The following DPYD variants were observed in gnomAD, a reference collection of about 807,000 sequenced individuals.
The protein encoded by DPYD is dihydropyrimidine dehydrogenase [NADP(+)].
In DPYD, 109 loss-of-function variants were observed where a neutral mutation model predicts 116.2. The observed-to-expected ratio is 0.94, with a 90% CI of 0.80 to 1.10. DPYD has a LOEUF of 1.10. Among genes scored for constraint, DPYD ranks in the 50% least tolerant of loss-of-function variants. DPYD has a pLI of 0.00. For synonymous variants in DPYD, 440 were observed against 432.0 expected, an observed-to-expected ratio of 1.02 and a Z score of -0.23; for missense variants, 1,302 against 1,254.5, an observed-to-expected ratio of 1.04 and a Z score of -0.57.
rs35038074 is a variant in DPYD, at chr1:97,344,595, C to CCACA, written c.2058+28962_2058+28965dup. Among the ~76,000 whole-genome samples the CCACA allele has an allele frequency of 4.4e-3, 661 of 148,972 alleles. 2 individuals carry two copies. The highest frequency in any genetic ancestry group is 0.014 in the African/African-American group (589 of 40,808). ...CATTATATATAATCTATATATGTCACCACACACACACACACACACTACATT... is the reference window on the plus strand; with the variant it reads ...CATTATATATAATCTATATATGTCACCACACACACACACACACACACACTACATT... On this transcript the variant is annotated intron_variant, in intron 16 of 22. Coordinates refer to ENST00000370192, the MANE Select transcript of DPYD (RefSeq NM_000110.4).
intron 13 of DPYD, among the ~76,000 whole-genome samples, chr1:97,515,262 ATTTG>A (rs1280264189): frequency 3.3e-5 from 5 of 151,906 alleles, no homozygotes; most frequent in Non-Finnish European, 7.4e-5. Context: ...AACTCAGGGT[ATTTG>A]TTTTTGAGAA....
intron 20 of DPYD, among the ~76,000 whole-genome samples, chr1:97,173,279 C>CACACATATGTACATATATGT (rs548861757): frequency 1.3e-4 from 19 of 140,956 alleles, no homozygotes; most frequent in Middle Eastern, 4.0e-3. Flanking sequence ...CATATATATG[C>CACACATATGTACATATATGT]ACACATATAT....
At chr1:97,591,029 T>C (rs904690564) in intron 10 of DPYD, among the ~76,000 whole-genome samples, 4 of 152,360 alleles carry the variant, frequency 2.6e-5, no homozygotes, top group African/African-American at 7.2e-5. Context: ...TACTCTATTC[T>C]GATGATACTG....
chr1:97,567,594 A>G (rs1033101683), intron 11 of DPYD, among the ~76,000 whole-genome samples: 11 of 152,280 alleles, frequency 7.2e-5, no homozygotes, highest in Non-Finnish European at 1.0e-4. Context: ...GTGGTGCAAC[A>G]TGATGCTGAG....
chr1:97,882,316 G>T (rs1202122154), intron 2 of DPYD, among the ~76,000 whole-genome samples: 1 of 151,782 alleles, frequency 6.6e-6, no homozygotes, highest in Non-Finnish European at 1.5e-5. Flanking sequence ...AAAAAAAATT[G>T]CCCAGTGGCT....
intron 12 of DPYD, among the ~76,000 whole-genome samples, chr1:97,516,775 A>G (rs904577934): frequency 6.6e-6 from 1 of 152,004 alleles, no homozygotes; most frequent in African/African-American, 2.4e-5. Context: ...TGGGGAGGTT[A>G]TTAAAGATTG....
chr1:97,312,069 T>C (rs1667553300), intron 16 of DPYD, among the ~76,000 whole-genome samples: 1 of 151,800 alleles, frequency 6.6e-6, no homozygotes, highest in Non-Finnish European at 1.5e-5. Flanking sequence ...TTAAAAAATA[T>C]ATATGTGTGT....
chr1:97,169,789 T>C (rs1285611041), intron 20 of DPYD, among the ~76,000 whole-genome samples: 3 of 152,152 alleles, frequency 2.0e-5, no homozygotes, highest in Admixed American at 1.3e-4. Flanking sequence ...AGTGTAACTC[T>C]TGCTGTATGC....
intron 11 of DPYD, among the ~76,000 whole-genome samples, chr1:97,569,102 A>C (rs1336720768): frequency 4.6e-5 from 7 of 152,066 alleles, no homozygotes; most frequent in Non-Finnish European, 1.0e-4. Context: ...CAGATCTCCT[A>C]GGAATGTGAG....
intron 2 of DPYD, among the ~76,000 whole-genome samples, chr1:97,871,975 G>A (rs1303420974): frequency 1.3e-5 from 2 of 151,794 alleles, no homozygotes; most frequent in Admixed American, 6.6e-5. Context: ...ACTCTATCAG[G>A]TAGATATTAT....
At chr1:97,214,698 T>C (rs1660257749) in intron 19 of DPYD, among the ~76,000 whole-genome samples, 1 of 152,210 alleles carries the variant, frequency 6.6e-6, no homozygotes, top group South Asian at 2.1e-4. Context: ...CTCTCCATTT[T>C]TTCCTGTGAT....
intron 6 of DPYD, among the ~76,000 whole-genome samples, chr1:97,694,032 G>A (rs2100957767): frequency 6.6e-6 from 1 of 152,304 alleles, no homozygotes; most frequent in South Asian, 2.1e-4. Context: ...ACCACCCTTG[G>A]CAGTATAACT....
chr1:97,246,592 A>T (rs1234410917), intron 18 of DPYD, among the ~76,000 whole-genome samples: 1 of 152,184 alleles, frequency 6.6e-6, no homozygotes, highest in Non-Finnish European at 1.5e-5. Context: ...ATATTTATAA[A>T]ACACGTTAAC....
At chr1:97,408,252 A>C (rs190896481) in intron 14 of DPYD, among the ~76,000 whole-genome samples, 1 of 152,290 alleles carries the variant, frequency 6.6e-6, no homozygotes, top group Admixed American at 6.5e-5. Flanking sequence ...TAGTAGAAGA[A>C]GGCAGTCATC....
At chr1:97,491,116 T>A (rs1678950346) in intron 13 of DPYD, among the ~76,000 whole-genome samples, 1 of 147,772 alleles carries the variant, frequency 6.8e-6, no homozygotes, top group Non-Finnish European at 1.5e-5. Flanking sequence ...ATATAATATA[T>A]TAACCTAATG....
chr1:97,883,922 TG>T (rs903572687), intron 1 of DPYD: 2 of 444,142 alleles, frequency 4.5e-6, no homozygotes, highest in Non-Finnish European at 8.6e-6. Flanking sequence ...ATCCTATATT[TG>T]GTTTTCCAAA....
At chr1:97,616,664 C>T (rs924299747) in intron 8 of DPYD, among the ~76,000 whole-genome samples, 8 of 151,896 alleles carry the variant, frequency 5.3e-5, no homozygotes, top group African/African-American at 1.9e-4. Flanking sequence ...CTTAGATAAC[C>T]GTGATAACAC....
In DPYD at chr1:97,376,865, T is replaced by TTGTGTGTGTGTGTGTGTGTGTG. The variant is rs66598688; in HGVS notation, c.1975-3243_1975-3222dup. ...TCTATACACAGTAGAAAGAGAGAGT[T>TTGTGTGTGTGTGTGTGTGTGTG]TGTGTGTGTGTGTGTGTGTGTGTAT... On this transcript the variant is annotated intron_variant, in intron 15 of 22. Transcript: ENST00000370192. Among the ~76,000 whole-genome samples the TTGTGTGTGTGTGTGTGTGTGTG allele has an allele frequency of 1.9e-4, 25 of 134,686 alleles. 1 individual carries two copies. Among genetic ancestry groups the TTGTGTGTGTGTGTGTGTGTGTG allele is most frequent in the South Asian group, 5.4e-4 (2 of 3,710 alleles). 88.4% of individuals were successfully genotyped at this position (134,686 alleles called of 152,430 possible).
At chr1:97,345,377 T>C (rs1415585421) in intron 16 of DPYD, among the ~76,000 whole-genome samples, 1 of 151,488 alleles carries the variant, frequency 6.6e-6, no homozygotes, top group African/African-American at 2.4e-5. Flanking sequence ...CTCAACAAAA[T>C]GGGCTCTACA....
Sources: gnomAD v4.1 joint callset for allele counts (sites outside exome capture counted in the v4.1 genomes callset) on GRCh38, gnomAD v4.1.1 for gene constraint, MANE v1.5 for transcripts, NCBI Gene and HGNC (gene_info 2026-07-23, HGNC 2026-07-21) for gene names.